SEPTIN8: variants seen among roughly 807,000 people sequenced by gnomAD.
The protein encoded by SEPTIN8 is septin 8.
Under a neutral mutation model 53.1 loss-of-function variants are expected in SEPTIN8, and 22 were observed. The observed-to-expected ratio is 0.41, with a 90% CI of 0.30 to 0.59. The LOEUF is 0.59. SEPTIN8 is among the 20% of genes least tolerant of loss of function. The pLI, the probability that SEPTIN8 is intolerant of heterozygous loss-of-function variation, is 0.24. For missense variants in SEPTIN8, 536 were observed against 638.7 expected (o/e 0.84, Z 1.73); for synonymous variants, 228 against 248.4 (o/e 0.92, Z 0.77).
rs1268156729 is a variant in SEPTIN8 at position 132,761,385 on chromosome 5, CAG to C, written c.962+71_962+72del. ...AGGGGTAAGAGGATGTGGGGTCCCT[CAG>C]GGAACAGATGCCAGGGTGGTGTGTC... On this transcript the variant is annotated intron_variant, in intron 7 of 9. Transcript: ENST00000378719. This position sits in a 1 kb window ranked among gnomAD's most constrained non-coding sequence, Gnocchi z 5.8. 33 of 1,586,200 alleles carry C rather than the reference CAG, an allele frequency of 2.1e-5. No individual in the cohort carries two copies. The African/African-American group carries it at 4.2e-4, about 20-fold the overall frequency.
chr5:132,770,394 G>A (rs1316114555), intron 1 of SEPTIN8, among the ~76,000 whole-genome samples: 1 of 151,652 alleles, frequency 6.6e-6, no homozygotes, highest in Non-Finnish European at 1.5e-5. Flanking sequence ...TGGCCAGGTC[G>A]GTCTTGAACT....
intron 9 of SEPTIN8, chr5:132,753,174 G>A: frequency 3.4e-6 from 2 of 582,054 alleles, no homozygotes; most frequent in Non-Finnish European, 6.1e-6. Flanking sequence ...TAGAGGTCAG[G>A]GTGGTCTGAT....
intron 9 of SEPTIN8, chr5:132,757,362 C>T: frequency 3.0e-6 from 3 of 985,422 alleles, no homozygotes; most frequent in African/African-American, 1.7e-5. Context: ...ACACACAGCT[C>T]ACCCCTCCAC....
chr5:132,758,711 C>T (rs1755587101), intron 9 of SEPTIN8: 1 of 1,607,974 alleles, frequency 6.2e-7, no homozygotes, highest in South Asian at 1.1e-5. Context: ...GTACCGGCTC[C>T]CAGTCCGTCC....
intron 1 of SEPTIN8, among the ~76,000 whole-genome samples, chr5:132,770,022 TAC>T (rs1300625919): frequency 0.16 from 5,457 of 34,488 alleles, 452 homozygotes; most frequent in South Asian, 0.3. Context: ...TATATATATA[TAC>T]ACACACATAT....
chr5:132,757,349 G>T (rs1463980424), intron 9 of SEPTIN8: 2 of 985,270 alleles, frequency 2.0e-6, no homozygotes, highest in Non-Finnish European at 2.4e-6. Context: ...TGCCTCGGTG[G>T]ACACACACAG....
At chr5:132,758,930 G>T in intron 9 of SEPTIN8, 1 of 1,053,554 alleles carries the variant, frequency 9.5e-7, no homozygotes, top group Non-Finnish European at 1.5e-6. Flanking sequence ...CCGTGAAAGG[G>T]CAGTCAGTTT....
chr5:132,776,405 A>AC lies in SEPTIN8; in HGVS notation c.30+702dup, dbSNP rs1757796531. ...GCCCAGTGAGACCCCTGCAGGGACC[A>AC]CCAGGGACATCAACCTTCTGAGGAC... On this transcript the variant is annotated intron_variant, in intron 1 of 9. Coordinates refer to ENST00000378719, the MANE Select transcript of SEPTIN8 (RefSeq NM_001098811.2). This position sits in a 1 kb window ranked among gnomAD's most constrained non-coding sequence, Gnocchi z 4.4. Among the ~76,000 whole-genome samples, 1 of 152,212 alleles carries AC rather than the reference A, an allele frequency of 6.6e-6. No homozygotes were observed.
At position 132,761,900 on chromosome 5, in the gene SEPTIN8, G is replaced by C. The variant is rs200373148; in HGVS notation, c.697-4C>G. On this transcript the variant is annotated splice_polypyrimidine_tract_variant and splice_region_variant and intron_variant, in intron 5 of 9. Transcript: ENST00000378719. This position sits in a 1 kb window ranked among gnomAD's most constrained non-coding sequence, Gnocchi z 5.8. ...CCACGGCAAAGGGCAGATGTGCCTG[G>C]AAAGGGGCCCGGGTATGCGTAAGCC... 4 of 1,581,894 alleles carry C rather than the reference G, an allele frequency of 2.5e-6. No homozygotes were observed. The highest frequency in any genetic ancestry group is 3.4e-6 in the Non-Finnish European group (4 of 1,163,472).
In SEPTIN8 at chr5:132,773,046, G is replaced by C. The variant is rs1295324036; in HGVS notation, c.30+4062C>G. Among the ~76,000 whole-genome samples the C allele has an allele frequency of 6.6e-6, 1 of 152,194 alleles. No individual in the cohort carries two copies. The highest frequency in any genetic ancestry group is 2.4e-5 in the African/African-American group (1 of 41,450). On this transcript the variant is annotated intron_variant, in intron 1 of 9. Transcript: ENST00000378719. This position sits in a 1 kb window ranked among gnomAD's most constrained non-coding sequence, Gnocchi z 4.2. ...CCAAGAACATGTAGGGCAACTGCACGCAGAGCCAAGATGCCCCCTGCCCCG... is the reference window on the plus strand; with the variant it reads ...CCAAGAACATGTAGGGCAACTGCACCCAGAGCCAAGATGCCCCCTGCCCCG...
chr5:132,752,336 G>A (rs1306969311), intron 9 of SEPTIN8, 155 bp from the exon 10 acceptor site: 1 of 1,043,154 alleles, frequency 9.6e-7, no homozygotes, highest in Non-Finnish European at 1.4e-6. Flanking sequence ...TCTGCCCAAA[G>A]GCTAGGCTTT....
In SEPTIN8 at chr5:132,773,796, G is replaced by A. The variant is rs1212114932; in HGVS notation, c.30+3312C>T. The A allele has an allele frequency of 2.0e-5, 3 of 152,540 alleles. No individual in the cohort carries two copies. The East Asian group carries it at 5.8e-4, about 29-fold the overall frequency. 9.4% of individuals were successfully genotyped at this position (152,540 alleles called of 1,614,324 possible). Reference sequence around the variant, plus strand: ...TCTTTTAGCATGTGCTCCCTGGAATGACCAATGCTTTCCATCAGCCCCGCA... The same window carrying A: ...TCTTTTAGCATGTGCTCCCTGGAATAACCAATGCTTTCCATCAGCCCCGCA... On this transcript the variant is annotated intron_variant, in intron 1 of 9. Transcript: ENST00000378719. The surrounding 1 kb of genome is among the most constrained non-coding windows in gnomAD (Gnocchi z 4.2).
chr5:132,762,714 C>A, intron 4 of SEPTIN8, 69 bp from the exon 5 acceptor site: 1 of 1,539,294 alleles, frequency 6.5e-7, no homozygotes, highest in Non-Finnish European at 9.0e-7. Flanking sequence ...ATGCCATGCC[C>A]AGGATATGGA....
At chr5:132,758,598 A>C in intron 9 of SEPTIN8, 1 of 1,606,778 alleles carries the variant, frequency 6.2e-7, no homozygotes, top group South Asian at 1.1e-5. Context: ...TCCAGCATTC[A>C]TGGCTTTTAC....
intron 9 of SEPTIN8, chr5:132,757,913 C>G: frequency 1.0e-6 from 1 of 985,672 alleles, no homozygotes; most frequent in Non-Finnish European, 1.2e-6. Flanking sequence ...AGGTAACAAC[C>G]TTTTTCCCAC....
intron 1 of SEPTIN8, among the ~76,000 whole-genome samples, chr5:132,775,059 C>G (rs1403478803): frequency 1.3e-5 from 2 of 152,180 alleles, no homozygotes; most frequent in African/African-American, 4.8e-5. Flanking sequence ...TGGAAGGTGT[C>G]CATCCCTCCA....
At chr5:132,759,128 C>A in intron 9 of SEPTIN8, 1 of 511,502 alleles carries the variant, frequency 2.0e-6, no homozygotes, top group South Asian at 1.7e-5. Context: ...CAAAAATGCA[C>A]TCCCGACTCA....
intron 9 of SEPTIN8, chr5:132,756,394 TC>T: frequency 8.1e-6 from 8 of 985,196 alleles, no homozygotes; most frequent in Non-Finnish European, 9.6e-6. Flanking sequence ...ATATGGTGAT[TC>T]TTCTACCTCA....
At chr5:132,769,110 A>G (rs2149991727) in intron 1 of SEPTIN8, among the ~76,000 whole-genome samples, 1 of 152,314 alleles carries the variant, frequency 6.6e-6, no homozygotes, top group Admixed American at 6.5e-5. Context: ...GAGGACCACC[A>G]TGTGTGAACT....
Sources: allele counts gnomAD v4.1 joint callset (sites outside exome capture counted in the v4.1 genomes callset), GRCh38; gene constraint gnomAD v4.1.1; non-coding constraint Gnocchi (gnomAD v3.1); transcripts MANE v1.5; gene names NCBI Gene and HGNC (gene_info 2026-07-23, HGNC 2026-07-21).